The following TTC3 variants were observed in gnomAD, a reference collection of about 807,000 sequenced individuals.
The protein encoded by TTC3 is tetratricopeptide repeat domain 3, also known as E3 ubiquitin-protein ligase TTC3.
Under a neutral mutation model 249.6 loss-of-function variants are expected in TTC3, and 180 were observed. The ratio of observed to expected loss-of-function variants is 0.72; its 90% CI spans 0.64 to 0.82. The LOEUF is 0.82. Among genes scored for constraint, TTC3 ranks in the 40% least tolerant of loss-of-function variants. The probability of loss-of-function intolerance (pLI) is 0.00; values close to 1 mark genes in which losing one functional copy is unlikely to be tolerated. For synonymous variants in TTC3, 717 were observed against 805.0 expected (o/e 0.89, Z 1.85); for missense variants, 2,061 against 2,398.4 (o/e 0.86, Z 2.94).
chr21:37,141,417 C>CCCCT (rs1555888000), intron 20 of TTC3, among the ~76,000 whole-genome samples: 1 of 151,808 alleles, frequency 6.6e-6, no homozygotes, highest in South Asian at 2.1e-4. Context: ...GGGAATCCCC[C>CCCCT]CCCCAGCCAT....
intron 1 of TTC3, among the ~76,000 whole-genome samples, chr21:37,074,586 G>A (rs577184670): frequency 6.6e-6 from 1 of 152,158 alleles, no homozygotes; most frequent in Non-Finnish European, 1.5e-5. Flanking sequence ...GGGAAACAAG[G>A]TAGAAATTTT....
chr21:37,096,648 G>A lies in TTC3; in HGVS notation c.845+5G>A, dbSNP rs1372893136. The A allele has an allele frequency of 6.2e-7, 1 of 1,603,256 alleles. No individual in the cohort carries two copies. The highest frequency in any genetic ancestry group is 8.5e-7 in the Non-Finnish European group (1 of 1,173,468). Reference sequence around the variant, plus strand: ...TCTTCGTACTGGACAGTTTAGGTAAGTTGGTTAAAATATCTCAACCACTGA... The same window carrying A: ...TCTTCGTACTGGACAGTTTAGGTAAATTGGTTAAAATATCTCAACCACTGA... On this transcript the variant is annotated splice_donor_5th_base_variant and intron_variant, in intron 10 of 45. Transcript: ENST00000355666.
intron 27 of TTC3, 91 bp from the exon 28 acceptor site, chr21:37,156,564 A>C: frequency 6.8e-7 from 1 of 1,476,032 alleles, no homozygotes; most frequent in Non-Finnish European, 9.1e-7. Flanking sequence ...AGCAAACTAT[A>C]ATCAGCTGCT....
In TTC3 at chr21:37,126,959, A is replaced by G. The variant is rs142456643; in HGVS notation, c.1297+816A>G. On this transcript the variant is annotated intron_variant, in intron 15 of 45. Coordinates refer to ENST00000355666, the Ensembl canonical transcript of TTC3. ...AGCCTCTGCCTCCTGGGTTCAAGCA[A>G]TTCTCCTGCCTCAGCCTCCCGAGTA... 1.5e-3 allele frequency among the ~76,000 whole-genome samples: 223 copies of G among 151,892 alleles called. 2 individuals are homozygous for G. Among genetic ancestry groups the G allele is most frequent in the African/African-American group, 4.9e-3 (203 of 41,408 alleles).
intron 34 of TTC3, among the ~76,000 whole-genome samples, chr21:37,171,425 A>G (rs1287440402): frequency 6.6e-6 from 1 of 152,226 alleles, no homozygotes; most frequent in Non-Finnish European, 1.5e-5. Flanking sequence ...TCTCTGATCT[A>G]TTAAAGGCAA....
intron 16 of TTC3, 31 bp downstream of exon 16, chr21:37,129,094 C>T (rs1208702762): frequency 1.3e-6 from 2 of 1,500,194 alleles, no homozygotes; most frequent in Non-Finnish European, 9.0e-7. Flanking sequence ...ATGTTTTTTT[C>T]CCCTTAATAT....
intron 27 of TTC3, 27 bp from the exon 28 acceptor site, chr21:37,156,628 C>A (rs1360014634): frequency 4.4e-6 from 7 of 1,581,890 alleles, no homozygotes; most frequent in Non-Finnish European, 5.1e-6. Flanking sequence ...CCCTCCTCTT[C>A]TGATTTGGGT....
At chr21:37,192,651 G>A (rs1389832142) in intron 41 of TTC3, among the ~76,000 whole-genome samples, 1 of 152,088 alleles carries the variant, frequency 6.6e-6, no homozygotes, top group Non-Finnish European at 1.5e-5. Context: ...AGATATTTGG[G>A]ACATAAGACC....
intron 38 of TTC3, 33 bp downstream of exon 38, chr21:37,187,178 A>G: frequency 6.9e-7 from 1 of 1,458,500 alleles, no homozygotes; most frequent in Non-Finnish European, 9.3e-7. Flanking sequence ...CCACTATGGC[A>G]TTTGTCATTT....
At chr21:37,152,135 G>A in intron 26 of TTC3, 106 bp downstream of exon 26, 1 of 1,240,830 alleles carries the variant, frequency 8.1e-7, no homozygotes, top group Non-Finnish European at 1.1e-6. Context: ...TTGAAATAAA[G>A]ATTTCACTTA....
chr21:37,167,596 A>G (rs2081363091), exon 34 of TTC3: 3 of 1,610,418 alleles, frequency 1.9e-6, no homozygotes, highest in African/African-American at 2.7e-5. Context: ...ATACTGAGCC[A>G]TATAATCCTT....
intron 17 of TTC3, 21 bp from the exon 18 acceptor site, chr21:37,135,359 A>C (rs757935755): frequency 3.1e-6 from 5 of 1,595,810 alleles, no homozygotes; most frequent in Non-Finnish European, 4.3e-6. Flanking sequence ...AGGTTACTGA[A>C]ATAGAATTTC....
chr21:37,173,846 T>G (rs2082013098), intron 35 of TTC3, among the ~76,000 whole-genome samples: 1 of 152,220 alleles, frequency 6.6e-6, no homozygotes, highest in African/African-American at 2.4e-5. Flanking sequence ...TTACTCAGTT[T>G]CCTGGCTGGG....
exon 46 of TTC3, chr21:37,201,709 T>TA (rs1569215403): frequency 3.8e-5 from 43 of 1,135,662 alleles, no homozygotes; most frequent in Non-Finnish European, 5.0e-5. Flanking sequence ...TGGAAATCGT[T>TA]AATATCGCTG....
intron 21 of TTC3, among the ~76,000 whole-genome samples, chr21:37,146,065 C>T (rs1033938656): frequency 1.3e-5 from 2 of 152,202 alleles, no homozygotes; most frequent in African/African-American, 4.8e-5. Context: ...AAAACTTGTA[C>T]ATGAATGTTC....
exon 33 of TTC3, chr21:37,166,142 C>G: frequency 6.2e-7 from 1 of 1,614,164 alleles, no homozygotes; most frequent in Non-Finnish European, 8.5e-7. Flanking sequence ...TTATTGGGCT[C>G]AATCCCATTT....
At chr21:37,078,190 C>G (rs1188418447) in intron 1 of TTC3, among the ~76,000 whole-genome samples, 1 of 152,040 alleles carries the variant, frequency 6.6e-6, no homozygotes, top group African/African-American at 2.4e-5. Context: ...CTTTCTGTGT[C>G]ACTTGTCACC....
chr21:37,109,408 G>C (rs2075395433), intron 11 of TTC3, among the ~76,000 whole-genome samples: 1 of 152,244 alleles, frequency 6.6e-6, no homozygotes, highest in Non-Finnish European at 1.5e-5. Flanking sequence ...CACACCAGGA[G>C]ATTATATCCC....
chr21:37,136,146 C>A (rs868195050), intron 18 of TTC3, among the ~76,000 whole-genome samples: 2 of 152,142 alleles, frequency 1.3e-5, no homozygotes, highest in Non-Finnish European at 2.9e-5. Flanking sequence ...GTTATCTCCA[C>A]CCCCTTCCTT....
Sources: allele counts gnomAD v4.1 joint callset (sites outside exome capture counted in the v4.1 genomes callset), GRCh38; gene constraint gnomAD v4.1.1; transcripts MANE v1.5; gene names NCBI Gene and HGNC (gene_info 2026-07-23, HGNC 2026-07-21).